WDR49: variants seen among roughly 807,000 people sequenced by gnomAD.
WDR49 encodes the protein WD repeat domain 49, also known as cilia- and flagella-associated protein 337.
A neutral mutation model predicts 119.5 loss-of-function variants in WDR49; 107 were observed. That is an observed-to-expected ratio of 0.90 (90% CI 0.77 to 1.05). The LOEUF is 1.05. Ranked by LOEUF, WDR49 falls within the 50% of genes least tolerant of loss-of-function variation. WDR49 has a pLI of 0.00. For missense variants in WDR49, 1,240 were observed against 1,220.5 expected, an observed-to-expected ratio of 1.02 and a Z score of -0.24; for synonymous variants, 425 against 418.8, an observed-to-expected ratio of 1.01 and a Z score of -0.18.
At chr3:167,593,914 T>C (rs1324178192) in intron 7 of WDR49, among the ~76,000 whole-genome samples, 1 of 152,134 alleles carries the variant, frequency 6.6e-6, no homozygotes, top group Non-Finnish European at 1.5e-5. Flanking sequence ...AAGTGTGCGG[T>C]GGTTCCCCTC....
At chr3:167,627,351 G>A in intron 2 of WDR49, 59 bp from the exon 3 acceptor site, 1 of 1,210,364 alleles carries the variant, frequency 8.3e-7, no homozygotes, top group Non-Finnish European at 1.0e-6. Context: ...ATATGCATGA[G>A]AGAACTGTGC....
chr3:167,527,687 T>G (rs1396945935), intron 15 of WDR49, 133 bp downstream of exon 15: 2 of 934,690 alleles, frequency 2.1e-6, no homozygotes, highest in Non-Finnish European at 3.1e-6. Flanking sequence ...CTGGAGCTAC[T>G]GCTTCGGAAA....
At chr3:167,532,689 A>T (rs1446777929) in intron 12 of WDR49, among the ~76,000 whole-genome samples, 190 bp downstream of exon 12, 3 of 152,174 alleles carry the variant, frequency 2.0e-5, no homozygotes, top group African/African-American at 7.2e-5. Flanking sequence ...TGCCATGGAG[A>T]GTGTGCTAAG....
intron 18 of WDR49, among the ~76,000 whole-genome samples, chr3:167,495,549 G>C (rs1483348113): frequency 6.8e-6 from 1 of 147,382 alleles, no homozygotes; most frequent in Non-Finnish European, 1.5e-5. Flanking sequence ...AAAAACATTT[G>C]TGATATAATT....
chr3:167,591,483 A>G (rs1715103627), intron 7 of WDR49, among the ~76,000 whole-genome samples: 1 of 152,092 alleles, frequency 6.6e-6, no homozygotes, highest in Admixed American at 6.6e-5. Flanking sequence ...AGATCTTCTC[A>G]ATGCTGAAAA....
At chr3:167,552,217 G>A (rs1712618235) in intron 10 of WDR49, among the ~76,000 whole-genome samples, 1 of 151,998 alleles carries the variant, frequency 6.6e-6, no homozygotes, top group African/African-American at 2.4e-5. Context: ...TTTTAAGCAA[G>A]CACATAACAT....
chr3:167,556,280 T>C lies in WDR49; in HGVS notation c.1675-1482A>G, dbSNP rs1227639411. 2.0e-5 allele frequency among the ~76,000 whole-genome samples: 3 copies of C among 152,336 alleles called. No individual in the cohort carries two copies. The East Asian group carries it at 5.8e-4, about 29-fold the overall frequency. On this transcript the variant is annotated intron_variant, in intron 9 of 18. Transcript: ENST00000682715. The stretch of plus-strand genomic sequence containing the variant: ...ATGTCTAAATTTCTGCTTCCTTATC[T>C]GTGATACAGGAACTTTACTCCTCAG...
At chr3:167,584,869 T>G (rs1714725579) in intron 7 of WDR49, among the ~76,000 whole-genome samples, 1 of 152,120 alleles carries the variant, frequency 6.6e-6, no homozygotes, top group African/African-American at 2.4e-5. Context: ...TAAATTTGTG[T>G]CTAGGTTAGA....
intron 3 of WDR49, among the ~76,000 whole-genome samples, chr3:167,626,017 G>A (rs571688049): frequency 1.2e-4 from 18 of 151,764 alleles, no homozygotes; most frequent in Admixed American, 5.3e-4. Flanking sequence ...TCAGATCTTC[G>A]TTGAAACAAA....
At chr3:167,597,515 AC>A (rs1413343813) in intron 7 of WDR49, among the ~76,000 whole-genome samples, 1 of 152,172 alleles carries the variant, frequency 6.6e-6, no homozygotes, top group East Asian at 1.9e-4. Context: ...GAAGAGGGCC[AC>A]CATTCTCTAG....
At chr3:167,530,689 C>T (rs1752818991) in intron 13 of WDR49, among the ~76,000 whole-genome samples, 1 of 152,048 alleles carries the variant, frequency 6.6e-6, no homozygotes, top group Admixed American at 6.6e-5. Context: ...TATTCTCTTC[C>T]AGCCTATTTT....
At chr3:167,602,806 A>T (rs140346868) in intron 6 of WDR49, among the ~76,000 whole-genome samples, 7 of 152,326 alleles carry the variant, frequency 4.6e-5, no homozygotes, top group African/African-American at 1.2e-4. Context: ...ATATGGTCCC[A>T]TGAGACTATA....
chr3:167,646,094 A>G (rs765772829), intron 2 of WDR49, among the ~76,000 whole-genome samples: 1 of 152,170 alleles, frequency 6.6e-6, no homozygotes, highest in Non-Finnish European at 1.5e-5. Flanking sequence ...TAAGTAAAAT[A>G]TGATCAGCAT....
At chr3:167,628,473 T>G (rs1294937526) in intron 2 of WDR49, among the ~76,000 whole-genome samples, 1 of 152,120 alleles carries the variant, frequency 6.6e-6, no homozygotes. Flanking sequence ...GAAGAAAGTT[T>G]TAGTGGTCTG....
chr3:167,505,098 C>T (rs1490658146), intron 17 of WDR49, among the ~76,000 whole-genome samples: 8 of 152,142 alleles, frequency 5.3e-5, no homozygotes, highest in Non-Finnish European at 1.0e-4. Context: ...AGACCTTACA[C>T]TTTTTCCGCT....
At position 167,592,202 on chromosome 3, in the gene WDR49, T is replaced by C. The variant is rs79691887; in HGVS notation, c.1275+9925A>G. On this transcript the variant is annotated intron_variant, in intron 7 of 18. Transcript: ENST00000682715. ...AGAAAACTAATAAAGACCCTATACC[T>C]TAACTTCATGCTCCTTAACTTTTTA... is the stretch of plus-strand genomic sequence containing the variant. 3.3e-3 allele frequency among the ~76,000 whole-genome samples: 507 copies of C among 152,290 alleles called. 4 individuals are homozygous for C. Among genetic ancestry groups the C allele is most frequent in the African/African-American group, 0.011 (477 of 41,570 alleles).
Position 167,478,794 on chromosome 3 carries a change from A to T in WDR49, c.*84T>A, listed in dbSNP as rs1750574388. 5.2e-6 allele frequency: 5 copies of T among 959,082 alleles called. No homozygotes were observed. Among genetic ancestry groups the T allele is most frequent in the Non-Finnish European group, 6.1e-6 (4 of 653,748 alleles). The allele number at this position is 959,082 out of a possible 1,614,324, so 59.4% of individuals were successfully genotyped here. ...AAACTTCCTGAAGTTTAAATATAAA[A>T]TAAAATAAAAGGCAGAATTCTTGAT... On this transcript the variant is annotated 3_prime_UTR_variant, in exon 19 of 19. Transcript: ENST00000682715.
At chr3:167,536,686 C>CATATATATATATATATATACACACACAT (rs1291990096) in intron 11 of WDR49, among the ~76,000 whole-genome samples, 184 bp downstream of exon 11, 14 of 132,576 alleles carry the variant, frequency 1.1e-4, no homozygotes, top group South Asian at 7.2e-4. Context: ...TCTCAAAATA[C>CATATATATATATATATATACACACACAT]ATATATATAT....
chr3:167,655,507 T>C (rs1718571664), upstream of WDR49, among the ~76,000 whole-genome samples: 1 of 152,208 alleles, frequency 6.6e-6, no homozygotes, highest in South Asian at 2.1e-4. Flanking sequence ...GAGCATCCTG[T>C]AGGAGTTCCT....
Sources: gnomAD v4.1 joint callset for allele counts (sites outside exome capture counted in the v4.1 genomes callset) on GRCh38, gnomAD v4.1.1 for gene constraint, MANE v1.5 for transcripts, NCBI Gene and HGNC (gene_info 2026-07-23, HGNC 2026-07-21) for gene names.